The following SLF2 variants were observed in gnomAD, a reference collection of about 807,000 sequenced individuals.
SLF2 encodes the protein SMC5/6 complex localization factor 2, also known as SMC5-SMC6 complex localization factor protein 2.
Under a neutral mutation model 124.3 loss-of-function variants are expected in SLF2, and 68 were observed. The ratio of observed to expected loss-of-function variants is 0.55; its 90% CI spans 0.45 to 0.67. The LOEUF is 0.67. Among genes scored for constraint, SLF2 ranks in the 30% least tolerant of loss-of-function variants. The probability of loss-of-function intolerance (pLI) is 0.00; values close to 1 mark genes in which losing one functional copy is unlikely to be tolerated. For synonymous variants in SLF2, 480 were observed against 478.8 expected, an observed-to-expected ratio of 1.00 and a Z score of -0.03; for missense variants, 1,246 against 1,373.7, an observed-to-expected ratio of 0.91 and a Z score of 1.47.
chr10:100,932,749 A>T (rs1161570731), intron 9 of SLF2, among the ~76,000 whole-genome samples: 3 of 151,706 alleles, frequency 2.0e-5, no homozygotes, highest in Non-Finnish European at 4.4e-5. Flanking sequence ...ACATTTGTAA[A>T]TGTATTGTGT....
chr10:100,957,330 ATTTTTTTTTTTTTT>A lies in SLF2; in HGVS notation c.3417+817_3417+830del, dbSNP rs71013477. 8.7e-5 allele frequency among the ~76,000 whole-genome samples: 8 copies of A among 91,866 alleles called. No homozygotes were observed. The South Asian group carries it at 9.5e-4, about 11-fold the overall frequency. The allele number at this position is 91,866 out of a possible 152,430, so 60.3% of individuals were successfully genotyped here. On this transcript the variant is annotated intron_variant, in intron 18 of 19. Transcript: ENST00000238961. The stretch of plus-strand genomic sequence containing the variant: ...AATATGTTAAAGGAAGGAGTCTTCA[ATTTTTTTTTTTTTT>A]TTTTTTTTTTTTTTTTTTTTTTTGA...
intron 3 of SLF2, 101 bp downstream of exon 3, chr10:100,917,401 T>C (rs1403629773): frequency 7.7e-6 from 10 of 1,303,304 alleles, no homozygotes; most frequent in African/African-American, 4.5e-5. Context: ...ATTGACGTCT[T>C]TCCTGAAGGA....
rs1256769903 is a variant in SLF2, at chr10:100,964,281, T to A, written c.*2369T>A. The A allele has an allele frequency of 6.6e-6, 1 of 152,666 alleles. No homozygotes were observed. The highest frequency in any genetic ancestry group is 1.5e-5 in the Non-Finnish European group (1 of 68,050). 9.5% of individuals were successfully genotyped at this position (152,666 alleles called of 1,614,324 possible). On this transcript the variant is annotated 3_prime_UTR_variant, in exon 20 of 20. Transcript: ENST00000238961. The stretch of plus-strand genomic sequence containing the variant: ...GTGGTGGTGTGTTTGGCAATATTAC[T>A]GTGCCAAAAATCACCTTGTCTAATT...
intron 9 of SLF2, among the ~76,000 whole-genome samples, chr10:100,933,123 C>T (rs971600524): frequency 3.3e-5 from 5 of 152,054 alleles, no homozygotes; most frequent in African/African-American, 9.7e-5. Flanking sequence ...CAAAAAATTT[C>T]CTTTACTGTT....
At chr10:100,929,227 G>A in intron 6 of SLF2, 90 bp from the exon 7 acceptor site, 2 of 1,292,428 alleles carry the variant, frequency 1.5e-6, no homozygotes, top group East Asian at 5.2e-5. Flanking sequence ...CTTAATAAGG[G>A]TTTTCTTTGT....
intron 6 of SLF2, chr10:100,926,624 G>T (rs1849620408): frequency 6.3e-6 from 1 of 158,286 alleles, no homozygotes; most frequent in Non-Finnish European, 1.4e-5. Context: ...AAAAAGTGGG[G>T]GGCCAGGCGC....
intron 5 of SLF2, 102 bp downstream of exon 5, chr10:100,925,074 T>A: frequency 8.6e-7 from 1 of 1,168,562 alleles, no homozygotes; most frequent in Non-Finnish European, 1.2e-6. Flanking sequence ...TAGTATTTAT[T>A]ATAACTCATA....
At chr10:100,943,744 A>G (rs1295078212) in intron 11 of SLF2, 1 of 275,738 alleles carries the variant, frequency 3.6e-6, no homozygotes, top group East Asian at 7.9e-5. Flanking sequence ...CTGATGCATA[A>G]TGATAGAAAT....
At chr10:100,940,401 G>A (rs760219428) in intron 11 of SLF2, among the ~76,000 whole-genome samples, 11 of 152,012 alleles carry the variant, frequency 7.2e-5, no homozygotes, top group South Asian at 4.2e-4. Context: ...GCTTTGTTGC[G>A]CAGGCTGGAG....
chr10:100,944,430 G>C (rs1850056971), intron 12 of SLF2, among the ~76,000 whole-genome samples: 1 of 147,070 alleles, frequency 6.8e-6, no homozygotes, highest in South Asian at 2.2e-4. Context: ...AGGAGGCGGA[G>C]CTTGCAGTGA....
chr10:100,932,714 T>TGC (rs775601017), intron 9 of SLF2, among the ~76,000 whole-genome samples: 14 of 92,688 alleles, frequency 1.5e-4, no homozygotes, highest in African/African-American at 4.4e-4. Context: ...TGTGTGTGTG[T>TGC]GTGTGTGCGC....
rs528512219 is a variant in SLF2, at chr10:100,919,001, C to CTTTTTTT, written c.973+583_973+589dup. Reference sequence around the variant, plus strand: ...CCTTGGCTACATCAGGAAACATAATCTTTTTTTTTTTTTTTTTTTTTTTTT... The same window carrying CTTTTTTT: ...CCTTGGCTACATCAGGAAACATAATCTTTTTTTTTTTTTTTTTTTTTTTTTTTTTTTT... On this transcript the variant is annotated intron_variant, in intron 4 of 19. Transcript: ENST00000238961. 2.9e-4 allele frequency among the ~76,000 whole-genome samples: 31 copies of CTTTTTTT among 105,698 alleles called. 6 individuals carry two copies. The highest frequency in any genetic ancestry group is 9.8e-4 in the African/African-American group (23 of 23,390). The allele number at this position is 105,698 out of a possible 152,430, so 69.3% of individuals were successfully genotyped here. A position where few individuals can be genotyped will look rare whatever the true frequency, so the allele number is the denominator to read the frequency against.
At chr10:100,924,999 T>TA in intron 5 of SLF2, 27 bp downstream of exon 5, 2 of 1,567,030 alleles carry the variant, frequency 1.3e-6, no homozygotes, top group Non-Finnish European at 1.7e-6. Flanking sequence ...CGTTTATCTT[T>TA]ACTTGAAGAG....
chr10:100,943,212 C>T (rs1850014309), intron 11 of SLF2, among the ~76,000 whole-genome samples: 1 of 152,188 alleles, frequency 6.6e-6, no homozygotes. Flanking sequence ...CCTTATCAGA[C>T]ATTCCAGAGG....
chr10:100,937,041 A>G (rs1849877558), intron 9 of SLF2, among the ~76,000 whole-genome samples: 1 of 152,206 alleles, frequency 6.6e-6, no homozygotes, highest in Non-Finnish European at 1.5e-5. Flanking sequence ...TTAAATGCAC[A>G]TAAAATGCCT....
intron 14 of SLF2, 45 bp downstream of exon 14, chr10:100,947,181 A>G (rs1327398297): frequency 5.2e-6 from 6 of 1,150,470 alleles, no homozygotes; most frequent in Non-Finnish European, 7.4e-6. Flanking sequence ...TTATAATTTT[A>G]CATTAATGAA....
chr10:100,915,859 G>A (rs1488221431), intron 1 of SLF2, 140 bp from the exon 2 acceptor site: 1 of 654,920 alleles, frequency 1.5e-6, no homozygotes, highest in African/African-American at 1.8e-5. Flanking sequence ...GTTTAGCAAA[G>A]CATTGTTACC....
intron 13 of SLF2, among the ~76,000 whole-genome samples, chr10:100,946,576 C>T (rs771270927): frequency 1.3e-5 from 2 of 152,136 alleles, no homozygotes; most frequent in Non-Finnish European, 2.9e-5. Flanking sequence ...ATTCACCTCC[C>T]TCGGCCTCCC....
intron 18 of SLF2, among the ~76,000 whole-genome samples, chr10:100,957,330 ATTTTTTTTTTTTTTTTTTTTTTT>A (rs71013477): frequency 5.4e-5 from 5 of 91,830 alleles, no homozygotes; most frequent in South Asian, 6.3e-4. Context: ...GGAGTCTTCA[ATTTTTTTTTTTTTTTTTTTTTTT>A]TTTTTTTTTT....
Sources: gnomAD v4.1 joint callset for allele counts (sites outside exome capture counted in the v4.1 genomes callset) on GRCh38, gnomAD v4.1.1 for gene constraint, MANE v1.5 for transcripts, NCBI Gene and HGNC (gene_info 2026-07-23, HGNC 2026-07-21) for gene names.